Variants in WDR33 observed in about 807,000 individuals in gnomAD.
The protein encoded by WDR33 is pre-mRNA 3' end processing protein WDR33.
WDR33 carries 47 observed loss-of-function variants against 164.9 expected under a neutral mutation model. The ratio of observed to expected loss-of-function variants is 0.29; its 90% confidence interval spans 0.23 to 0.36. The LOEUF (loss-of-function observed/expected upper bound fraction) is 0.36. Ranked by LOEUF, WDR33 falls within the 10% of genes least tolerant of loss-of-function variation. The pLI is 1.00. For synonymous variants in WDR33, 505 were observed against 589.0 expected (o/e 0.86, Z 2.06); for missense variants, 1,137 against 1,754.1 (o/e 0.65, Z 6.28).
chr2:127,797,538 T>C (rs549399143), intron 1 of WDR33, among the ~76,000 whole-genome samples: 1 of 152,242 alleles, frequency 6.6e-6, no homozygotes, highest in African/African-American at 2.4e-5. Flanking sequence ...AGCTATATTA[T>C]GAAATGTTTT....
At chr2:127,799,965 A>T (rs1224048128) in intron 1 of WDR33, among the ~76,000 whole-genome samples, 1 of 152,324 alleles carries the variant, frequency 6.6e-6, no homozygotes, top group East Asian at 1.9e-4. Flanking sequence ...GGTCAAAAAG[A>T]GGGAAAATAA....
In WDR33 at chr2:127,724,525, T is replaced by C; in HGVS notation, c.1086-82A>G. 8.0e-7 allele frequency: 1 copy of C among 1,243,294 alleles called. No individual in the cohort carries two copies. Among genetic ancestry groups the C allele is most frequent in the East Asian group, 2.3e-5 (1 of 42,668 alleles). 77.0% of individuals were successfully genotyped at this position (1,243,294 alleles called of 1,614,324 possible). On this transcript the variant is annotated intron_variant, in intron 10 of 21. Transcript: ENST00000322313. The surrounding 1 kb of genome is among the most constrained non-coding windows in gnomAD (Gnocchi z 4.8). ...CCCCCTCAAAAAAGACATTTTCTGT[T>C]ACTCTTAAAATGAAGCTACCAAAGC...
chr2:127,786,429 T>A (rs770541880), intron 1 of WDR33, among the ~76,000 whole-genome samples: 11 of 152,200 alleles, frequency 7.2e-5, no homozygotes, highest in Non-Finnish European at 1.5e-4. Context: ...ACGCCTGTAT[T>A]CTCAACACTT....
intron 1 of WDR33, among the ~76,000 whole-genome samples, chr2:127,797,832 C>T (rs2104671217): frequency 6.6e-6 from 1 of 152,004 alleles, no homozygotes; most frequent in African/African-American, 2.4e-5. Context: ...GGCAACATGG[C>T]AAAACCCTGT....
chr2:127,764,043 A>C lies in WDR33; in HGVS notation c.626+785T>G. On this transcript the variant is annotated intron_variant, in intron 6 of 21. Coordinates refer to ENST00000322313, the MANE Select transcript of WDR33 (RefSeq NM_018383.5). This position sits in a 1 kb window ranked among gnomAD's most constrained non-coding sequence, Gnocchi z 6.2. ...ACCTCCTCCCACACATGGGTGGCAC[A>C]ACCTTAAAGAATGCTGCTTAGCTTT... is the stretch of plus-strand genomic sequence containing the variant. The C allele has an allele frequency of 4.1e-6, 4 of 986,384 alleles. No individual in the cohort carries two copies. In the South Asian group the frequency reaches 1.9e-4, roughly 46 times the overall value. The allele number at this position is 986,384 out of a possible 1,614,324, so 61.1% of individuals were successfully genotyped here.
In WDR33 at chr2:127,707,229, TAAAAAAA is replaced by T. The variant is rs200273049; in HGVS notation, c.3782-684_3782-678del. On this transcript the variant is annotated intron_variant, in intron 21 of 21. Transcript: ENST00000322313. The stretch of plus-strand genomic sequence containing the variant: ...TTCTGTTGCAGCTTGAGAATATATT[TAAAAAAA>T]AAAAAAAAAGAAAAAAAAGAAAGGA... Among the ~76,000 whole-genome samples, 14 of 122,604 alleles carry T rather than the reference TAAAAAAA, an allele frequency of 1.1e-4. No homozygotes were observed. The South Asian group carries it at 1.3e-3, about 11-fold the overall frequency. 80.4% of individuals were successfully genotyped at this position (122,604 alleles called of 152,430 possible). A position where few individuals can be genotyped will look rare whatever the true frequency, so the allele number is the denominator to read the frequency against.
intron 4 of WDR33, among the ~76,000 whole-genome samples, chr2:127,766,516 T>C (rs1465004798): frequency 6.6e-6 from 1 of 152,178 alleles, no homozygotes; most frequent in Non-Finnish European, 1.5e-5. Context: ...TCTTTATACC[T>C]TAATACCTTT....
At chr2:127,788,526 A>C (rs1295846984) in intron 1 of WDR33, among the ~76,000 whole-genome samples, 4 of 84,020 alleles carry the variant, frequency 4.8e-5, no homozygotes, top group Admixed American at 1.2e-4. Flanking sequence ...GGGGGGGCTG[A>C]CCCCCCCATC....
In WDR33 at chr2:127,770,414, G is replaced by A. The variant is rs1233343372; in HGVS notation, c.204+364C>T. ...ATCTTCTTTTAAATAACCAGGCCGG[G>A]CGCAGTGGCTCATGCCTGTAATCCC... On this transcript the variant is annotated intron_variant, in intron 2 of 21. Transcript: ENST00000322313. This position sits in a 1 kb window ranked among gnomAD's most constrained non-coding sequence, Gnocchi z 4.9. 6.6e-6 allele frequency among the ~76,000 whole-genome samples: 1 copy of A among 152,164 alleles called. No homozygotes were observed. The highest frequency in any genetic ancestry group is 1.5e-5 in the Non-Finnish European group (1 of 68,044).
rs200841244 is a variant in WDR33 at position 127,713,824 on chromosome 2, T to C, written c.3067A>G (p.Lys1023Glu). Residue 1023 changes from lysine to glutamate, a missense_variant, in exon 18 of 22, where the codon AAG becomes GAG. Lys to Glu is a moderately conservative substitution (Grantham distance 56). Around this residue, in one of 9 missense-constraint regions of WDR33, gnomAD observed 867 missense variants for 1,073.0 expected, o/e 0.81. Transcript: ENST00000322313. This position sits in a 1 kb window ranked among gnomAD's most constrained non-coding sequence, Gnocchi z 6.2. ...FSRPDDFHPDKRFGHRLREFE... is the reference protein window; with the variant it reads ...FSRPDDFHPDERFGHRLREFE... ...TCACGTAACCGGTGGCCAAAGCGCT[T>C]GTCAGGGTGGAAGTCATCTGGTCTG... 1.2e-6 allele frequency: 2 copies of C among 1,614,240 alleles called. No homozygotes were observed. Among genetic ancestry groups the C allele is most frequent in the South Asian group, 2.2e-5 (2 of 91,088 alleles).
rs760681743 is a variant in WDR33 at position 127,770,742 on chromosome 2, A to T, written c.204+36T>A. On this transcript the variant is annotated intron_variant, in intron 2 of 21. Coordinates refer to ENST00000322313, the MANE Select transcript of WDR33 (RefSeq NM_018383.5). The surrounding 1 kb of genome is among the most constrained non-coding windows in gnomAD (Gnocchi z 4.9). The stretch of plus-strand genomic sequence containing the variant: ...AAATAAATAAATAAATAAATAACCA[A>T]AGTTTGGTCATCTGAAGCACATAAA... 1.2e-5 allele frequency: 15 copies of T among 1,274,610 alleles called. No individual in the cohort carries two copies. Among genetic ancestry groups the T allele is most frequent in the Non-Finnish European group, 1.5e-5 (14 of 940,470 alleles). 79.0% of individuals were successfully genotyped at this position (1,274,610 alleles called of 1,614,324 possible).
chr2:127,720,407 A>G lies in WDR33; in HGVS notation c.1672-54T>C. On this transcript the variant is annotated intron_variant, in intron 15 of 21. Coordinates refer to ENST00000322313, the MANE Select transcript of WDR33 (RefSeq NM_018383.5). The surrounding 1 kb of genome is among the most constrained non-coding windows in gnomAD (Gnocchi z 5.9). ...TGAATAAACAGGCCAGAGCCCTTGA[A>G]GATGACAATATTGCTATCATGTATT... 1 of 1,484,098 alleles carries G rather than the reference A, an allele frequency of 6.7e-7. No individual in the cohort carries two copies. Among genetic ancestry groups the G allele is most frequent in the African/African-American group, 1.4e-5 (1 of 71,316 alleles). 91.9% of individuals were successfully genotyped at this position (1,484,098 alleles called of 1,614,324 possible).
Position 127,703,674 on chromosome 2 carries a change from A to T in WDR33, c.*2649T>A, listed in dbSNP as rs17533356. 0.02 allele frequency: 3,380 copies of T among 167,122 alleles called. 54 individuals carry two copies. The highest frequency in any genetic ancestry group is 0.03 in the Non-Finnish European group (2,013 of 68,078). 10.4% of individuals were successfully genotyped at this position (167,122 alleles called of 1,614,324 possible). On this transcript the variant is annotated 3_prime_UTR_variant, in exon 22 of 22. Coordinates refer to ENST00000322313, the MANE Select transcript of WDR33 (RefSeq NM_018383.5). ...AAATGCAGTATCTTCAGAATGATTT[A>T]TTTTTTTAATTAATTGTAAAGACTT... is the stretch of plus-strand genomic sequence containing the variant.
At chr2:127,750,727 C>CATACATAT (rs1687326235) in intron 7 of WDR33, among the ~76,000 whole-genome samples, 3 of 42,140 alleles carry the variant, frequency 7.1e-5, no homozygotes, top group African/African-American at 4.2e-4. Context: ...TGTATGCATA[C>CATACATAT]ATATATATGT....
At chr2:127,802,345 TAAC>T (rs2104682075) in intron 1 of WDR33, among the ~76,000 whole-genome samples, 1 of 152,192 alleles carries the variant, frequency 6.6e-6, no homozygotes, top group African/African-American at 2.4e-5. Context: ...AAGCAAGACT[TAAC>T]TACTTTTTCT....
chr2:127,811,060 T>G lies in WDR33; in HGVS notation c.-72A>C, dbSNP rs1689635801. ...TAAATGGCCAGCGAAGCGTTCGCCT[T>G]CAGAGCCAGAAATGTCTCTCTTGTT... On this transcript the variant is annotated 5_prime_UTR_variant, in exon 1 of 22. Transcript: ENST00000322313. This position sits in a 1 kb window ranked among gnomAD's most constrained non-coding sequence, Gnocchi z 4.1. The G allele has an allele frequency of 6.5e-6, 1 of 152,726 alleles. No individual in the cohort carries two copies. The allele number at this position is 152,726 out of a possible 1,614,324, so 9.5% of individuals were successfully genotyped here.
intron 1 of WDR33, among the ~76,000 whole-genome samples, chr2:127,807,289 A>AC (rs1689474909): frequency 1.3e-5 from 2 of 152,202 alleles, no homozygotes; most frequent in African/African-American, 4.8e-5. Context: ...TACAGATGTG[A>AC]GCCACTGCAC....
chr2:127,767,903 C>T (rs1404627678), intron 4 of WDR33, among the ~76,000 whole-genome samples: 4 of 152,028 alleles, frequency 2.6e-5, no homozygotes, highest in Non-Finnish European at 5.9e-5. Context: ...AAAAGCATTC[C>T]TACTCAAACG....
chr2:127,810,554 TATA>T (rs1490076321), intron 1 of WDR33, among the ~76,000 whole-genome samples: 4 of 152,192 alleles, frequency 2.6e-5, no homozygotes, highest in African/African-American at 7.2e-5. Context: ...GCCTCATCCT[TATA>T]ATAAGCACCG....
Sources: gnomAD v4.1 joint callset for allele counts (sites outside exome capture counted in the v4.1 genomes callset) on GRCh38, gnomAD v4.1.1 for gene constraint, gnomAD v4.1.1 regional missense constraint, Gnocchi (gnomAD v3.1) non-coding constraint, MANE v1.5 for transcripts, NCBI Gene and HGNC (gene_info 2026-07-23, HGNC 2026-07-21) for gene names.